The following PCDH9 variants were observed in gnomAD, a reference collection of about 807,000 sequenced individuals.
The protein encoded by PCDH9 is protocadherin-9.
A neutral mutation model predicts 70.6 loss-of-function variants in PCDH9; 24 were observed. That is an observed-to-expected ratio of 0.34 (90% CI 0.25 to 0.48). PCDH9 has a LOEUF of 0.48. PCDH9 is among the 20% of genes least tolerant of loss of function. The pLI is 0.99. For synonymous variants in PCDH9, 562 were observed against 558.5 expected, an observed-to-expected ratio of 1.01 and a Z score of -0.09; for missense variants, 1,281 against 1,503.6, an observed-to-expected ratio of 0.85 and a Z score of 2.45.
chr13:66,624,832 A>G (rs922598400), intron 4 of PCDH9, among the ~76,000 whole-genome samples: 1 of 152,222 alleles, frequency 6.6e-6, no homozygotes, highest in African/African-American at 2.4e-5. Context: ...TTTTGAATCA[A>G]AACAATAGAG....
At chr13:66,330,619 A>G (rs1180038893) in intron 4 of PCDH9, among the ~76,000 whole-genome samples, 1 of 151,696 alleles carries the variant, frequency 6.6e-6, no homozygotes, top group Non-Finnish European at 1.5e-5. Flanking sequence ...TTAAAAGAAA[A>G]GATCAAGGAC....
rs1955413438 is a variant in PCDH9 at position 66,303,880 on chromosome 13, T to C, written c.*775A>G. On this transcript the variant is annotated 3_prime_UTR_variant, in exon 5 of 5. Coordinates refer to ENST00000377865, the MANE Select transcript of PCDH9 (RefSeq NM_203487.3). Reference sequence around the variant, plus strand: ...TTTACAGAATTCCGGCATCATAAGCTATCATATGAGAAGCAAGATTTCAGA... The same window carrying C: ...TTTACAGAATTCCGGCATCATAAGCCATCATATGAGAAGCAAGATTTCAGA... 6.6e-6 allele frequency: 1 copy of C among 152,108 alleles called. No homozygotes were observed. The highest frequency in any genetic ancestry group is 6.6e-5 in the Admixed American group (1 of 15,224). 9.4% of individuals were successfully genotyped at this position (152,108 alleles called of 1,614,324 possible).
At chr13:67,130,420 C>T (rs1233101529) in intron 2 of PCDH9, among the ~76,000 whole-genome samples, 1 of 151,804 alleles carries the variant, frequency 6.6e-6, no homozygotes, top group Non-Finnish European at 1.5e-5. Context: ...ATTATCCAAA[C>T]TTAATAGATC....
chr13:66,609,684 C>T (rs1430352576), intron 4 of PCDH9, among the ~76,000 whole-genome samples: 4 of 151,776 alleles, frequency 2.6e-5, no homozygotes, highest in Non-Finnish European at 1.5e-5. Flanking sequence ...TGTCTTTTTT[C>T]TGATTTTATA....
chr13:66,442,549 G>GA (rs987617434), intron 4 of PCDH9, among the ~76,000 whole-genome samples: 17 of 152,106 alleles, frequency 1.1e-4, no homozygotes, highest in African/African-American at 4.1e-4. Context: ...CTTTTCCAAA[G>GA]AGTGAGATTA....
intron 4 of PCDH9, among the ~76,000 whole-genome samples, chr13:66,540,975 A>T (rs1210037715): frequency 6.6e-6 from 1 of 152,186 alleles, no homozygotes; most frequent in Non-Finnish European, 1.5e-5. Context: ...TGAACTTCAC[A>T]CACCAGATTA....
intron 2 of PCDH9, among the ~76,000 whole-genome samples, chr13:67,024,639 TGA>T (rs2084743993): frequency 6.6e-6 from 1 of 152,048 alleles, no homozygotes; most frequent in South Asian, 2.1e-4. Context: ...ACTGGTAGCT[TGA>T]AATTGGCCAT....
intron 3 of PCDH9, among the ~76,000 whole-genome samples, chr13:66,898,659 C>T (rs1237639025): frequency 6.6e-6 from 1 of 151,880 alleles, no homozygotes; most frequent in Non-Finnish European, 1.5e-5. Flanking sequence ...GTATAATATT[C>T]ATACACTAAA....
intron 2 of PCDH9, among the ~76,000 whole-genome samples, chr13:67,112,323 T>G (rs2086673397): frequency 6.6e-6 from 1 of 152,224 alleles, no homozygotes; most frequent in South Asian, 2.1e-4. Flanking sequence ...AATTATTAGA[T>G]TGCCATTTAA....
chr13:66,749,682 T>A (rs2079427648), intron 3 of PCDH9, among the ~76,000 whole-genome samples: 1 of 152,170 alleles, frequency 6.6e-6, no homozygotes, highest in African/African-American at 2.4e-5. Flanking sequence ...ATGCCTAAAT[T>A]TAGGAATGAA....
chr13:66,773,238 C>CTA lies in PCDH9; in HGVS notation c.3138+130264_3138+130265dup, dbSNP rs553845047. ...GAAATGTTCAATGGCTGGAAATGTT[C>CTA]TATATATATGTGCTCTCCAATACAG... On this transcript the variant is annotated intron_variant, in intron 3 of 4. Coordinates refer to ENST00000377865, the MANE Select transcript of PCDH9 (RefSeq NM_203487.3). Among the ~76,000 whole-genome samples the CTA allele has an allele frequency of 1.2e-3, 176 of 152,240 alleles. 3 individuals carry two copies. The highest frequency in any genetic ancestry group is 3.9e-3 in the African/African-American group (160 of 41,518).
intron 3 of PCDH9, among the ~76,000 whole-genome samples, chr13:66,724,826 C>A (rs1242487349): frequency 6.6e-6 from 1 of 152,134 alleles, no homozygotes; most frequent in Admixed American, 6.5e-5. Context: ...CCACACTTCC[C>A]TACCTGCCTT....
chr13:66,733,226 C>T (rs2079100497), intron 3 of PCDH9, among the ~76,000 whole-genome samples: 1 of 152,028 alleles, frequency 6.6e-6, no homozygotes. Flanking sequence ...TAATTATCCT[C>T]CAGGATATTT....
intron 3 of PCDH9, among the ~76,000 whole-genome samples, chr13:66,679,422 C>G (rs1188003079): frequency 1.3e-5 from 2 of 151,816 alleles, no homozygotes; most frequent in Non-Finnish European, 2.9e-5. Context: ...AGTGCACACA[C>G]CCATGGGCAC....
chr13:66,607,324 A>C (rs1001600276), intron 4 of PCDH9, among the ~76,000 whole-genome samples: 5 of 152,090 alleles, frequency 3.3e-5, no homozygotes, highest in African/African-American at 9.7e-5. Flanking sequence ...CAAAGAAAAA[A>C]GTATAAAACT....
chr13:67,174,071 T>G (rs1161486683), intron 2 of PCDH9, among the ~76,000 whole-genome samples: 1 of 152,210 alleles, frequency 6.6e-6, no homozygotes, highest in Non-Finnish European at 1.5e-5. Context: ...AAAGCATCTT[T>G]ATTTTTTCAT....
chr13:66,681,227 C>T (rs796652872), intron 3 of PCDH9, among the ~76,000 whole-genome samples: 7 of 152,160 alleles, frequency 4.6e-5, no homozygotes, highest in African/African-American at 1.7e-4. Context: ...TTCCTTTACT[C>T]CCATTTACAG....
At position 67,225,695 on chromosome 13, in the gene PCDH9, C is replaced by G. The variant is rs1164239967; in HGVS notation, c.2746G>C (p.Gly916Arg). 6.2e-7 allele frequency: 1 copy of G among 1,614,190 alleles called. No individual in the cohort carries two copies. The highest frequency in any genetic ancestry group is 1.1e-5 in the South Asian group (1 of 91,074). Residue 916 changes from glycine (G) to arginine (R), a missense_variant, in exon 2 of 5, where the codon GGA becomes CGA. This residue lies in a region of PCDH9 where 207 missense variants were observed against 191.8 expected (regional missense o/e 1.08). Transcript: ENST00000377865. The part of the protein sequence containing the change: ...LPAELEEQSI[G>R]RFDWGPAPPT... ...GGTGCCGGGCCCCAGTCAAATCTTC[C>G]TATACTTTGCTCCTCCAGTTCAGCC...
intron 4 of PCDH9, among the ~76,000 whole-genome samples, chr13:66,484,760 A>C (rs1185989909): frequency 1.3e-5 from 2 of 152,058 alleles, no homozygotes; most frequent in Non-Finnish European, 2.9e-5. Context: ...CTGGATTCAA[A>C]CTCTGTCCTG....
Sources: gnomAD v4.1 joint callset for allele counts (sites outside exome capture counted in the v4.1 genomes callset) on GRCh38, gnomAD v4.1.1 for gene constraint, gnomAD v4.1.1 regional missense constraint, MANE v1.5 for transcripts, NCBI Gene and HGNC (gene_info 2026-07-23, HGNC 2026-07-21) for gene names.